Variants in RNF145 observed in about 807,000 individuals in gnomAD.
RNF145 encodes ring finger protein 145.
Under a neutral mutation model 57.3 loss-of-function variants are expected in RNF145, and 12 were observed. That is an observed-to-expected ratio of 0.21 (90% CI 0.13 to 0.34). The LOEUF is 0.34. Ranked by LOEUF, RNF145 falls within the 10% of genes least tolerant of loss-of-function variation. The pLI is 1.00. For missense variants in RNF145, 429 were observed against 799.0 expected, an observed-to-expected ratio of 0.54 and a Z score of 5.58; for synonymous variants, 262 against 288.3, an observed-to-expected ratio of 0.91 and a Z score of 0.92.
At chr5:159,159,957 A>T (rs1784159350) in intron 10 of RNF145, among the ~76,000 whole-genome samples, 1 of 152,230 alleles carries the variant, frequency 6.6e-6, no homozygotes, top group Admixed American at 6.5e-5. Context: ...AAGCCATCCA[A>T]GGAAAAGCAG....
chr5:159,160,287 G>A (rs763040343), intron 10 of RNF145, among the ~76,000 whole-genome samples: 1 of 151,962 alleles, frequency 6.6e-6, no homozygotes, highest in African/African-American at 2.4e-5. Context: ...ATGCAAAACC[G>A]CCTGGAGAAC....
intron 1 of RNF145, among the ~76,000 whole-genome samples, chr5:159,204,274 T>G (rs141606382): frequency 1.3e-3 from 195 of 152,246 alleles, no homozygotes; most frequent in African/African-American, 4.4e-3. Context: ...TCCCATAATC[T>G]GCCTTCAAGT....
intron 8 of RNF145, among the ~76,000 whole-genome samples, chr5:159,163,810 C>T (rs924631217): frequency 2.9e-4 from 44 of 152,202 alleles, no homozygotes; most frequent in Admixed American, 2.8e-3. Context: ...ATAAACCAAG[C>T]TGCTTATTAA....
intron 6 of RNF145, among the ~76,000 whole-genome samples, chr5:159,172,087 G>GT (rs1326898201): frequency 6.6e-6 from 1 of 152,152 alleles, no homozygotes; most frequent in Non-Finnish European, 1.5e-5. Flanking sequence ...TTTGCAGCGG[G>GT]TAACAATCTG....
At chr5:159,171,979 G>A (rs1157947993) in intron 6 of RNF145, among the ~76,000 whole-genome samples, 7 of 152,212 alleles carry the variant, frequency 4.6e-5, no homozygotes, top group South Asian at 2.1e-4. Context: ...CAGAATATCC[G>A]AATATTATTT....
chr5:159,169,198 T>G, intron 7 of RNF145, 143 bp from the exon 8 acceptor site: 16 of 571,004 alleles, frequency 2.8e-5, no homozygotes, highest in South Asian at 3.8e-5. Context: ...ACCTGATCAG[T>G]ATATTAACTT....
chr5:159,167,647 T>G (rs1200708295), intron 8 of RNF145, among the ~76,000 whole-genome samples: 1 of 152,226 alleles, frequency 6.6e-6, no homozygotes, highest in Admixed American at 6.5e-5. Flanking sequence ...GCTATTTAAT[T>G]GCGCTCACCC....
chr5:159,187,349 A>T (rs7732603), intron 3 of RNF145, among the ~76,000 whole-genome samples: 6 of 151,232 alleles, frequency 4.0e-5, no homozygotes, highest in East Asian at 2.0e-4. Flanking sequence ...TTTTTTTTTG[A>T]GATAGTCTCA....
intron 4 of RNF145, among the ~76,000 whole-genome samples, chr5:159,179,531 T>C (rs1784818693): frequency 6.6e-6 from 1 of 152,118 alleles, no homozygotes; most frequent in Non-Finnish European, 1.5e-5. Flanking sequence ...GAAAACATGC[T>C]CCTTAATAGT....
chr5:159,195,216 G>C (rs1050999486), intron 2 of RNF145, among the ~76,000 whole-genome samples: 3 of 151,964 alleles, frequency 2.0e-5, no homozygotes, highest in Non-Finnish European at 4.4e-5. Context: ...TGTGATTTAA[G>C]ACCTTATTTC....
At chr5:159,164,459 A>G (rs1784329341) in intron 8 of RNF145, among the ~76,000 whole-genome samples, 1 of 152,198 alleles carries the variant, frequency 6.6e-6, no homozygotes, top group Non-Finnish European at 1.5e-5. Context: ...GTATTTATAA[A>G]CACACATGCA....
intron 3 of RNF145, among the ~76,000 whole-genome samples, chr5:159,193,657 T>C (rs981179644): frequency 6.6e-6 from 1 of 152,230 alleles, no homozygotes; most frequent in African/African-American, 2.4e-5. Context: ...TAAATGCCTT[T>C]ACATTTTCTG....
chr5:159,180,136 C>G (rs1784842285), intron 4 of RNF145, among the ~76,000 whole-genome samples: 1 of 152,042 alleles, frequency 6.6e-6, no homozygotes, highest in South Asian at 2.1e-4. Context: ...CAGGTTCCTA[C>G]TTAACTGGAC....
chr5:159,207,217 C>A (rs1333343963), intron 1 of RNF145, among the ~76,000 whole-genome samples: 1 of 152,064 alleles, frequency 6.6e-6, no homozygotes, highest in African/African-American at 2.4e-5. Context: ...TATGAAGAAA[C>A]CAAACAAATC....
At position 159,158,914 on chromosome 5, in the gene RNF145, T is replaced by C. The variant is rs775145694; in HGVS notation, c.1748A>G (p.Gln583Arg). The change falls in exon 11 of 11, where the codon CAG becomes CGG. Residue 583 changes from glutamine (Q) to arginine (R), a missense_variant. Transcript: ENST00000424310. ...LCHCHLKNSS[Q>R]LPGLGTEPVL... Reference sequence around the variant, plus strand: ...TGGCTCAGTTCCTAATCCTGGAAGCTGGGAGGAGTTTTTCAGATGGCAGTG... The same window carrying C: ...TGGCTCAGTTCCTAATCCTGGAAGCCGGGAGGAGTTTTTCAGATGGCAGTG... 1 of 1,613,894 alleles carries C rather than the reference T, an allele frequency of 6.2e-7. No homozygotes were observed. Among genetic ancestry groups the C allele is most frequent in the South Asian group, 1.1e-5 (1 of 91,068 alleles).
At chr5:159,177,401 A>C (rs1418417102) in intron 4 of RNF145, among the ~76,000 whole-genome samples, 1 of 152,066 alleles carries the variant, frequency 6.6e-6, no homozygotes, top group Non-Finnish European at 1.5e-5. Flanking sequence ...AAACTAAATA[A>C]ATTCTTCTCA....
Position 159,188,485 on chromosome 5 carries a change from C to T in RNF145, c.293+6231G>A, listed in dbSNP as rs187403048. ...CACACCCTCACAGGAATGACCACCA[C>T]ACTCTCACAGGAATAGTAGTATCAG... is the stretch of plus-strand genomic sequence containing the variant. On this transcript the variant is annotated intron_variant, in intron 3 of 10. Coordinates refer to ENST00000424310, the MANE Select transcript of RNF145 (RefSeq NM_001199383.2). 9.9e-5 allele frequency among the ~76,000 whole-genome samples: 15 copies of T among 152,180 alleles called. No individual in the cohort carries two copies. The East Asian group carries it at 2.7e-3, about 27-fold the overall frequency.
In RNF145 at chr5:159,174,082, A is replaced by G. The variant is rs1298705266; in HGVS notation, c.698T>C (p.Val233Ala). The change falls in exon 6 of 11, where the codon GTT becomes GCT. Residue 233 changes from valine (V) to alanine (A), a missense_variant. This residue lies in a region of RNF145 where 216 missense variants were observed against 457.6 expected (regional missense o/e 0.47). Transcript: ENST00000424310. Reference sequence around the variant, plus strand: ...AAGAGCAAATAAGACGAGCCAGAAAACCATGAAAAGAACAGGGACTACCAG... The same window carrying G: ...AAGAGCAAATAAGACGAGCCAGAAAGCCATGAAAAGAACAGGGACTACCAG... ...NQLVVPVLFM[V>A]FWLVLFALQI... is the part of the protein sequence containing the mutation. 6.2e-7 allele frequency: 1 copy of G among 1,613,794 alleles called. No individual in the cohort carries two copies. Among genetic ancestry groups the G allele is most frequent in the East Asian group, 2.2e-5 (1 of 44,870 alleles).
In RNF145 at chr5:159,188,153, C is replaced by T. The variant is rs756393270; in HGVS notation, c.294-6102G>A. Among the ~76,000 whole-genome samples the T allele has an allele frequency of 1.0e-3, 152 of 152,142 alleles. 1 individual carries two copies. The highest frequency in any genetic ancestry group is 2.4e-3 in the Admixed American group (36 of 15,290). On this transcript the variant is annotated intron_variant, in intron 3 of 10. Transcript: ENST00000424310. ...ATCCCAGCACTTTGGAAGGCCAAGG[C>T]GGGCGGATCACAAGGTCAGGAGACT...
Sources: allele counts gnomAD v4.1 joint callset (sites outside exome capture counted in the v4.1 genomes callset), GRCh38; gene constraint gnomAD v4.1.1; regional missense constraint gnomAD v4.1.1; transcripts MANE v1.5; gene names NCBI Gene and HGNC (gene_info 2026-07-23, HGNC 2026-07-21).